ARHGAP42: variants seen among roughly 807,000 people sequenced by gnomAD.
ARHGAP42 encodes the protein rho GTPase-activating protein 42.
In ARHGAP42, 63 loss-of-function variants were observed where a neutral mutation model predicts 125.0. The observed-to-expected ratio is 0.50, with a 90% CI of 0.41 to 0.62. The LOEUF is 0.62. Ranked by LOEUF, ARHGAP42 falls within the 20% of genes least tolerant of loss-of-function variation. ARHGAP42 has a pLI of 0.00. For missense variants in ARHGAP42, 766 were observed against 1,024.2 expected (o/e 0.75, Z 3.44); for synonymous variants, 339 against 351.0 (o/e 0.97, Z 0.38).
chr11:100,719,449 C>T (rs909077829), intron 1 of ARHGAP42, among the ~76,000 whole-genome samples: 15 of 152,100 alleles, frequency 9.9e-5, no homozygotes, highest in Admixed American at 2.6e-4. Context: ...ATTCAGAGGA[C>T]CTTAAGTGAT....
chr11:100,803,623 G>C (rs1028159054), intron 3 of ARHGAP42, among the ~76,000 whole-genome samples: 1 of 152,198 alleles, frequency 6.6e-6, no homozygotes, highest in Non-Finnish European at 1.5e-5. Context: ...ATAGGTGGTG[G>C]ACCCAGTGGC....
chr11:100,699,727 T>G (rs1308967038), intron 1 of ARHGAP42, among the ~76,000 whole-genome samples: 1 of 151,764 alleles, frequency 6.6e-6, no homozygotes, highest in East Asian at 1.9e-4. Flanking sequence ...TTCACCATGT[T>G]GGCCAGGCTG....
In ARHGAP42 at chr11:100,992,618, A is replaced by G. The variant is rs1319413799; in HGVS notation, c.*3817A>G. 6.2e-7 allele frequency: 1 copy of G among 1,613,738 alleles called. No individual in the cohort carries two copies. The highest frequency in any genetic ancestry group is 1.3e-5 in the African/African-American group (1 of 74,898). ...CCTGAACACATTCACTGTATCCCTC[A>G]TTGTCACCGTTATCCCCCTGCTTCA... On this transcript the variant is annotated 3_prime_UTR_variant, in exon 24 of 24. Coordinates refer to ENST00000298815, the MANE Select transcript of ARHGAP42 (RefSeq NM_152432.4).
intron 1 of ARHGAP42, among the ~76,000 whole-genome samples, chr11:100,726,821 TG>T (rs1161424894): frequency 1.6e-4 from 24 of 152,222 alleles, no homozygotes; most frequent in Non-Finnish European, 3.4e-4. Flanking sequence ...CTCAGTTGGG[TG>T]AACTTCTCTG....
chr11:100,872,087 T>A (rs1865710492), intron 4 of ARHGAP42, among the ~76,000 whole-genome samples: 1 of 152,206 alleles, frequency 6.6e-6, no homozygotes. Flanking sequence ...TTTACCTAAC[T>A]CTTGTTCTCT....
At chr11:100,707,123 C>A (rs1306819098) in intron 1 of ARHGAP42, among the ~76,000 whole-genome samples, 1 of 152,150 alleles carries the variant, frequency 6.6e-6, no homozygotes, top group African/African-American at 2.4e-5. Context: ...TATATGAATG[C>A]ACCAAATTTT....
At chr11:100,708,289 A>G (rs980486131) in intron 1 of ARHGAP42, among the ~76,000 whole-genome samples, 1 of 152,186 alleles carries the variant, frequency 6.6e-6, no homozygotes. Context: ...AGGTAGGAGG[A>G]TTGTTTGAAC....
chr11:100,868,393 T>G (rs1367055198), intron 4 of ARHGAP42, among the ~76,000 whole-genome samples: 1 of 152,226 alleles, frequency 6.6e-6, no homozygotes, highest in Non-Finnish European at 1.5e-5. Flanking sequence ...GATCCTTTAT[T>G]TTAGTTAACC....
At chr11:100,954,395 T>G (rs1462830243) in intron 12 of ARHGAP42, among the ~76,000 whole-genome samples, 1 of 152,194 alleles carries the variant, frequency 6.6e-6, no homozygotes, top group East Asian at 1.9e-4. Flanking sequence ...CACCTAACAT[T>G]CAGTCCTTAT....
chr11:100,741,674 A>C (rs917312406), intron 1 of ARHGAP42, among the ~76,000 whole-genome samples: 2 of 152,198 alleles, frequency 1.3e-5, no homozygotes, highest in African/African-American at 4.8e-5. Flanking sequence ...GACATGCGTT[A>C]CTTAGATACT....
rs371171186 is a variant in ARHGAP42, at chr11:100,980,858, A to T, written c.2456+1809A>T. Among the ~76,000 whole-genome samples the T allele has an allele frequency of 3.3e-5, 5 of 152,198 alleles. No individual in the cohort carries two copies. The East Asian group carries it at 9.7e-4, about 29-fold the overall frequency. Reference sequence around the variant, plus strand: ...AGTGCTGGGATTACAGGCATGAGCCACTGCACCCAGCCAACTCATACTTCT... The same window carrying T: ...AGTGCTGGGATTACAGGCATGAGCCTCTGCACCCAGCCAACTCATACTTCT... On this transcript the variant is annotated intron_variant, in intron 22 of 23. Coordinates refer to ENST00000298815, the MANE Select transcript of ARHGAP42 (RefSeq NM_152432.4).
chr11:100,708,982 A>C (rs11224402), intron 1 of ARHGAP42, among the ~76,000 whole-genome samples: 1 of 152,120 alleles, frequency 6.6e-6, no homozygotes, highest in Non-Finnish European at 1.5e-5. Flanking sequence ...CTGTCTCTCA[A>C]ATACCTTGTA....
chr11:100,732,745 T>A (rs1241622647), intron 1 of ARHGAP42, among the ~76,000 whole-genome samples: 3 of 152,196 alleles, frequency 2.0e-5, no homozygotes, highest in Non-Finnish European at 1.5e-5. Context: ...GGCTTATGTC[T>A]TATTCATTTA....
chr11:100,971,620 A>C (rs2135314400), intron 17 of ARHGAP42, among the ~76,000 whole-genome samples: 1 of 152,250 alleles, frequency 6.6e-6, no homozygotes, highest in South Asian at 2.1e-4. Context: ...ACCTTTCAAA[A>C]CCAAGTTTTT....
intron 4 of ARHGAP42, 74 bp downstream of exon 4, chr11:100,859,699 T>G: frequency 8.2e-7 from 1 of 1,213,150 alleles, no homozygotes; most frequent in Non-Finnish European, 1.1e-6. Flanking sequence ...GATGTTAACA[T>G]TTTTGAAATT....
At chr11:100,931,257 T>C (rs1867574668) in intron 6 of ARHGAP42, among the ~76,000 whole-genome samples, 1 of 152,174 alleles carries the variant, frequency 6.6e-6, no homozygotes, top group Non-Finnish European at 1.5e-5. Context: ...CAGATTAGTA[T>C]TAGTACTTTA....
At chr11:100,918,806 G>A (rs1867153865) in intron 5 of ARHGAP42, among the ~76,000 whole-genome samples, 1 of 152,124 alleles carries the variant, frequency 6.6e-6, no homozygotes, top group African/African-American at 2.4e-5. Flanking sequence ...ACCTATAAGT[G>A]GCAAGCAGCA....
At position 100,990,542 on chromosome 11, in the gene ARHGAP42, G is replaced by A. The variant is rs1171728147; in HGVS notation, c.*1741G>A. On this transcript the variant is annotated 3_prime_UTR_variant, in exon 24 of 24. Transcript: ENST00000298815. ...GAAAAATATTATGTAATAAAAATTA[G>A]CAATGTAATGTAAACGTTTGATAAA... 2 of 152,152 alleles carry A rather than the reference G, an allele frequency of 1.3e-5. No homozygotes were observed. The highest frequency in any genetic ancestry group is 2.9e-5 in the Non-Finnish European group (2 of 68,016). The allele number at this position is 152,152 out of a possible 1,614,324, so 9.4% of individuals were successfully genotyped here.
chr11:100,874,195 G>A (rs948014277), intron 4 of ARHGAP42, among the ~76,000 whole-genome samples: 2 of 152,166 alleles, frequency 1.3e-5, no homozygotes, highest in Non-Finnish European at 2.9e-5. Flanking sequence ...ACAGGAGAAG[G>A]AGTCTTACCT....
Sources: allele counts gnomAD v4.1 joint callset (sites outside exome capture counted in the v4.1 genomes callset), GRCh38; gene constraint gnomAD v4.1.1; transcripts MANE v1.5; gene names NCBI Gene and HGNC (gene_info 2026-07-23, HGNC 2026-07-21).